Variants in DNAH17 observed in about 807,000 individuals in gnomAD.
The protein encoded by DNAH17 is dynein axonemal heavy chain 17.
A neutral mutation model predicts 485.6 loss-of-function variants in DNAH17; 376 were observed. That is an observed-to-expected ratio of 0.77 (90% CI 0.71 to 0.84). The LOEUF (loss-of-function observed/expected upper bound fraction) is 0.84, where lower values mean the gene tolerates loss of function less well. DNAH17 is among the 40% of genes least tolerant of loss of function. The pLI, the probability that DNAH17 is intolerant of heterozygous loss-of-function variation, is 0.00. For missense variants in DNAH17, 6,370 were observed against 5,839.3 expected, an observed-to-expected ratio of 1.09 and a Z score of -2.96; for synonymous variants, 3,031 against 2,405.9, an observed-to-expected ratio of 1.26 and a Z score of -7.60.
chr17:78,454,734 G>C (rs757261275), intron 63 of DNAH17, 29 bp from the exon 64 acceptor site: 1 of 1,571,148 alleles, frequency 6.4e-7, no homozygotes, highest in Non-Finnish European at 8.7e-7. Flanking sequence ...TTTCTTAGAG[G>C]GGGTAATGCG....
At chr17:78,570,021 CTCT>C (rs1475408358) in intron 7 of DNAH17, among the ~76,000 whole-genome samples, 30 of 152,220 alleles carry the variant, frequency 2.0e-4, no homozygotes, top group Non-Finnish European at 1.5e-5. Context: ...AGACCTCCTC[CTCT>C]GTCCCCGTCT....
At chr17:78,536,819 G>A (rs1051523394) in intron 19 of DNAH17, among the ~76,000 whole-genome samples, 7 of 152,128 alleles carry the variant, frequency 4.6e-5, no homozygotes, top group African/African-American at 9.7e-5. Flanking sequence ...TGGGAAGGAC[G>A]ACAGATGTGG....
At chr17:78,424,309 T>A in intron 80 of DNAH17, 156 bp from the exon 81 acceptor site, 1 of 900,086 alleles carries the variant, frequency 1.1e-6, no homozygotes, top group East Asian at 2.7e-5. Context: ...AGCAGAGGCC[T>A]TCGTAGGTGA....
intron 77 of DNAH17, among the ~76,000 whole-genome samples, chr17:78,427,487 C>G (rs981408167): frequency 6.6e-6 from 1 of 152,162 alleles, no homozygotes; most frequent in African/African-American, 2.4e-5. Context: ...CTGGTCACAC[C>G]CTGTTAAGGA....
chr17:78,570,751 G>A (rs903826280), intron 6 of DNAH17, among the ~76,000 whole-genome samples, 197 bp downstream of exon 6: 18 of 150,662 alleles, frequency 1.2e-4, no homozygotes, highest in Non-Finnish European at 2.4e-4. Context: ...CCAGCTACTC[G>A]GGAGGCAGAG....
At chr17:78,474,140 G>A (rs915500182) in intron 54 of DNAH17, among the ~76,000 whole-genome samples, 5 of 152,198 alleles carry the variant, frequency 3.3e-5, no homozygotes, top group African/African-American at 1.2e-4. Flanking sequence ...ACCTCCCACT[G>A]CTCCCAGCAT....
chr17:78,543,037 G>A lies in DNAH17; in HGVS notation c.2532+820C>T, dbSNP rs145670615. ...TTAGCAGAGGGCAGGCCCATCATAA[G>A]AGGAACCAGGCTTGGAAGTGTACAG... is the stretch of plus-strand genomic sequence containing the variant. On this transcript the variant is annotated intron_variant, in intron 17 of 80. Transcript: ENST00000389840. Among the ~76,000 whole-genome samples, 25 of 152,362 alleles carry A rather than the reference G, an allele frequency of 1.6e-4. 1 individual carries two copies. The highest frequency in any genetic ancestry group is 3.9e-4 in the Admixed American group (6 of 15,306).
Position 78,425,502 on chromosome 17 carries a change from G to C in DNAH17, c.12985C>G (p.Gln4329Glu), listed in dbSNP as rs1285370144. The change falls in exon 80 of 81, where the codon CAG (glutamine) becomes GAG (glutamate). Residue 4329 changes from glutamine (Q) to glutamate (E), a missense_variant. By Grantham distance (29) the Gln-to-Glu change is conservative (BLOSUM62 2). Coordinates refer to ENST00000389840, the MANE Select transcript of DNAH17 (RefSeq NM_173628.4). ...TGCATGATGGCCGTGAGGAACGACT[G>C]GGGGTTGAAGAAGCCGGCCAGCCAC... Reference protein sequence around the residue: ...TVWLAGFFNPQSFLTAIMQSM... With the variant: ...TVWLAGFFNPESFLTAIMQSM... The C allele has an allele frequency of 1.2e-6, 2 of 1,613,942 alleles. No homozygotes were observed. Among genetic ancestry groups the C allele is most frequent in the East Asian group, 4.5e-5 (2 of 44,888 alleles).
intron 38 of DNAH17, 98 bp from the exon 39 acceptor site, chr17:78,495,195 C>G (rs960468826): frequency 2.9e-6 from 4 of 1,402,628 alleles, no homozygotes; most frequent in Non-Finnish European, 3.8e-6. Flanking sequence ...ACCTCGACTG[C>G]CAGGTAGACC....
chr17:78,494,265 A>T, intron 40 of DNAH17, 92 bp from the exon 41 acceptor site: 2 of 1,508,926 alleles, frequency 1.3e-6, no homozygotes, highest in Non-Finnish European at 1.8e-6. Flanking sequence ...CCCGTGGGGG[A>T]GATGATAAAG....
Position 78,462,966 on chromosome 17 carries a change from T to C in DNAH17, c.9052A>G (p.Lys3018Glu). 1 of 1,614,048 alleles carries C rather than the reference T, an allele frequency of 6.2e-7. No individual in the cohort carries two copies. The highest frequency in any genetic ancestry group is 8.5e-7 in the Non-Finnish European group (1 of 1,179,900). ...TERRYNYTTP[K>E]TFLEQIKLYQ... is the part of the protein sequence containing the mutation. ...AGTTTGATCTGCTCCAGAAAGGTTT[T>C]GGGTGTGGTGTAGTTGTAGCGCCTC... Residue 3018 changes from lysine to glutamate, a missense_variant, in exon 57 of 81, where the codon AAA (lysine) becomes GAA (glutamate). By Grantham distance (56) the Lys-to-Glu change is moderately conservative. Transcript: ENST00000389840.
chr17:78,555,110 C>A (rs1261807218), intron 14 of DNAH17, among the ~76,000 whole-genome samples: 7 of 152,120 alleles, frequency 4.6e-5, no homozygotes, highest in African/African-American at 1.7e-4. Flanking sequence ...ACCATTAACT[C>A]GTAGGATAGG....
At chr17:78,508,878 C>T (rs762818523) in intron 27 of DNAH17, among the ~76,000 whole-genome samples, 3 of 151,622 alleles carry the variant, frequency 2.0e-5, no homozygotes, top group South Asian at 2.1e-4. Context: ...CACAGCTCAC[C>T]GCAGCCTCCA....
chr17:78,545,397 A>C (rs1053712621), intron 16 of DNAH17, among the ~76,000 whole-genome samples: 1 of 152,196 alleles, frequency 6.6e-6, no homozygotes, highest in African/African-American at 2.4e-5. Flanking sequence ...CATTTCTCAC[A>C]GGTTTAGAGG....
chr17:78,453,529 TCCGA>T (rs2087648244), intron 64 of DNAH17, 64 bp from the exon 65 acceptor site: 1 of 1,592,826 alleles, frequency 6.3e-7, no homozygotes, highest in African/African-American at 1.3e-5. Flanking sequence ...GTGCGCACGC[TCCGA>T]CCAGCAGCCC....
chr17:78,468,059 C>T (rs2088565796), intron 55 of DNAH17, among the ~76,000 whole-genome samples: 1 of 113,234 alleles, frequency 8.8e-6, no homozygotes. Flanking sequence ...TATCAAGGTG[C>T]ATTTATCTAC....
At chr17:78,449,915 A>C in intron 68 of DNAH17, 2 of 433,324 alleles carry the variant, frequency 4.6e-6, no homozygotes, top group Non-Finnish European at 8.5e-6. Context: ...ACCTCAGGTG[A>C]TCCACCCGCC....
At chr17:78,571,086 A>C in intron 5 of DNAH17, 53 bp from the exon 6 acceptor site, 2 of 1,501,936 alleles carry the variant, frequency 1.3e-6, no homozygotes, top group Non-Finnish European at 1.8e-6. Flanking sequence ...AATTGCTCAG[A>C]AACGATGAGG....
intron 54 of DNAH17, among the ~76,000 whole-genome samples, chr17:78,471,091 A>C (rs1464433798): frequency 5.3e-5 from 8 of 152,224 alleles, no homozygotes; most frequent in Non-Finnish European, 1.0e-4. Context: ...ATTTAATTTA[A>C]AAAACAAGAC....
Sources: allele counts gnomAD v4.1 joint callset (sites outside exome capture counted in the v4.1 genomes callset), GRCh38; gene constraint gnomAD v4.1.1; transcripts MANE v1.5; gene names NCBI Gene and HGNC (gene_info 2026-07-23, HGNC 2026-07-21).